Variants in ZFR observed in about 807,000 individuals in gnomAD.
ZFR encodes the protein zinc finger RNA-binding protein.
ZFR carries 19 observed loss-of-function variants against 130.7 expected under a neutral mutation model. The ratio of observed to expected loss-of-function variants is 0.15; its 90% CI spans 0.10 to 0.21. The LOEUF (loss-of-function observed/expected upper bound fraction) is 0.21. Ranked by LOEUF, ZFR falls within the 10% of genes least tolerant of loss-of-function variation. ZFR has a pLI of 1.00. For missense variants in ZFR, 872 were observed against 1,321.5 expected, an observed-to-expected ratio of 0.66 and a Z score of 5.27; for synonymous variants, 466 against 456.9, an observed-to-expected ratio of 1.02 and a Z score of -0.25.
chr5:32,380,240 C>A, intron 15 of ZFR, 68 bp from the exon 16 acceptor site: 12 of 1,179,538 alleles, frequency 1.0e-5, no homozygotes, highest in East Asian at 2.4e-5. Context: ...AAGACACTTC[C>A]TTAAGGTAGC....
intron 17 of ZFR, among the ~76,000 whole-genome samples, chr5:32,369,806 T>C (rs1382054543): frequency 2.0e-5 from 3 of 152,126 alleles, no homozygotes; most frequent in Non-Finnish European, 4.4e-5. Flanking sequence ...AGTGAAACTC[T>C]GTCTTAAAAA....
intron 19 of ZFR, among the ~76,000 whole-genome samples, chr5:32,362,579 C>T (rs558302292): frequency 6.6e-6 from 1 of 152,260 alleles, no homozygotes; most frequent in South Asian, 2.1e-4. Flanking sequence ...ATGTAACTAC[C>T]ATCACAATCA....
chr5:32,385,707 A>G, intron 14 of ZFR, 58 bp from the exon 15 acceptor site: 1 of 1,587,338 alleles, frequency 6.3e-7, no homozygotes, highest in South Asian at 1.1e-5. Flanking sequence ...AAACAAAAGC[A>G]CTTTCATTAT....
intron 17 of ZFR, among the ~76,000 whole-genome samples, chr5:32,367,310 C>T (rs1329046268): frequency 6.6e-6 from 1 of 151,924 alleles, no homozygotes; most frequent in Non-Finnish European, 1.5e-5. Flanking sequence ...TGGCAGGTGC[C>T]TGTAATCTCA....
At position 32,397,396 on chromosome 5, in the gene ZFR, AC is replaced by A; in HGVS notation, c.1714-59del. 10 of 1,572,194 alleles carry A rather than the reference AC, an allele frequency of 6.4e-6. No individual in the cohort carries two copies. The East Asian group carries it at 2.3e-4, about 35-fold the overall frequency. ...TAGTTGAAGATTATATCATTCATAA[AC>A]CCCCACATATTATTTGATGAAGTTG... On this transcript the variant is annotated intron_variant, in intron 9 of 19. Coordinates refer to ENST00000265069, the MANE Select transcript of ZFR (RefSeq NM_016107.5).
chr5:32,391,953 CA>C (rs1373150935), intron 11 of ZFR, among the ~76,000 whole-genome samples: 2 of 152,088 alleles, frequency 1.3e-5, no homozygotes, highest in Non-Finnish European at 2.9e-5. Flanking sequence ...AGGCTGGTCT[CA>C]AACTCCTGGG....
chr5:32,444,441 G>A, intron 1 of ZFR, 113 bp from the exon 2 acceptor site: 5 of 1,330,816 alleles, frequency 3.8e-6, no homozygotes, highest in Admixed American at 2.9e-5. Flanking sequence ...AGCAGCCCTG[G>A]CGGGGCCCAG....
intron 5 of ZFR, among the ~76,000 whole-genome samples, chr5:32,409,961 A>G (rs1415397745): frequency 6.6e-6 from 1 of 152,130 alleles, no homozygotes; most frequent in Non-Finnish European, 1.5e-5. Flanking sequence ...TGACAGAATG[A>G]GACCCTGTTT....
At chr5:32,423,600 A>G (rs1754002853) in intron 2 of ZFR, among the ~76,000 whole-genome samples, 1 of 152,122 alleles carries the variant, frequency 6.6e-6, no homozygotes, top group South Asian at 2.1e-4. Context: ...ATAAGTCTAG[A>G]AGGCCCAATG....
At chr5:32,440,989 T>C (rs1754458893) in intron 2 of ZFR, among the ~76,000 whole-genome samples, 1 of 152,234 alleles carries the variant, frequency 6.6e-6, no homozygotes, top group East Asian at 1.9e-4. Flanking sequence ...TTGTATTTTA[T>C]TTTGAGACGG....
intron 17 of ZFR, among the ~76,000 whole-genome samples, chr5:32,376,281 ATT>A (rs1323704777): frequency 6.6e-6 from 1 of 152,232 alleles, no homozygotes; most frequent in Non-Finnish European, 1.5e-5. Flanking sequence ...CCTACCAAAA[ATT>A]TTGTTATGTA....
Position 32,420,031 on chromosome 5 carries a change from T to A in ZFR, c.210A>T (p.Pro70=). The A allele has an allele frequency of 6.2e-7, 1 of 1,613,650 alleles. No individual in the cohort carries two copies. The highest frequency in any genetic ancestry group is 8.5e-7 in the Non-Finnish European group (1 of 1,179,978). The change falls in exon 3 of 20, where the codon CCA becomes CCT. Residue 70 remains proline (P), a synonymous_variant. Coordinates refer to ENST00000265069, the MANE Select transcript of ZFR (RefSeq NM_016107.5). ...TVASYTVHQA[P]VAAHTVTAAY... is the part of the protein sequence containing the mutation. ...CAGCAGTAACTGTGTGAGCAGCTAC[T>A]GGAGCCTGATGGACAGTGTAGCTAG...
At chr5:32,437,041 G>A (rs763459509) in intron 2 of ZFR, among the ~76,000 whole-genome samples, 10 of 152,264 alleles carry the variant, frequency 6.6e-5, no homozygotes, top group Non-Finnish European at 1.0e-4. Flanking sequence ...TTCAGCTTAG[G>A]TAGTCTGACT....
intron 10 of ZFR, among the ~76,000 whole-genome samples, 165 bp from the exon 11 acceptor site, chr5:32,395,469 C>T (rs1753282046): frequency 6.6e-6 from 1 of 152,052 alleles, no homozygotes; most frequent in Non-Finnish European, 1.5e-5. Flanking sequence ...AGAAAAGATT[C>T]AAAATACATT....
chr5:32,360,396 T>C (rs1021454757), intron 19 of ZFR, among the ~76,000 whole-genome samples: 1 of 152,156 alleles, frequency 6.6e-6, no homozygotes, highest in Non-Finnish European at 1.5e-5. Flanking sequence ...AACCCCTCTA[T>C]CCTTAGGCCC....
chr5:32,355,669 A>C lies in ZFR; in HGVS notation c.*91T>G. ...TTCCATGAAATCCTTTAAATTCTTG[A>C]TAAATTTTTCAATGTAGACATTATT... On this transcript the variant is annotated 3_prime_UTR_variant, in exon 20 of 20. Transcript: ENST00000265069. The C allele has an allele frequency of 2.5e-6, 3 of 1,213,512 alleles. No homozygotes were observed. Among genetic ancestry groups the C allele is most frequent in the Non-Finnish European group, 3.4e-6 (3 of 889,592 alleles). 75.2% of individuals were successfully genotyped at this position (1,213,512 alleles called of 1,614,324 possible).
At chr5:32,403,520 G>A (rs1753514596) in intron 7 of ZFR, 123 bp from the exon 8 acceptor site, 1 of 1,245,188 alleles carries the variant, frequency 8.0e-7, no homozygotes, top group East Asian at 2.4e-5. Flanking sequence ...TCTGCTATAT[G>A]TTTTTGTATA....
At chr5:32,408,136 G>A (rs1180606559) in intron 5 of ZFR, among the ~76,000 whole-genome samples, 1 of 151,862 alleles carries the variant, frequency 6.6e-6, no homozygotes, top group African/African-American at 2.4e-5. Context: ...ATTATTTTAT[G>A]AATATTAAGC....
At chr5:32,431,365 T>A (rs1427370883) in intron 2 of ZFR, among the ~76,000 whole-genome samples, 2 of 152,122 alleles carry the variant, frequency 1.3e-5, no homozygotes, top group Non-Finnish European at 2.9e-5. Context: ...GTTAGGGGAA[T>A]AAAACTAATG....
Sources: gnomAD v4.1 joint callset for allele counts (sites outside exome capture counted in the v4.1 genomes callset) on GRCh38, gnomAD v4.1.1 for gene constraint, MANE v1.5 for transcripts, NCBI Gene and HGNC (gene_info 2026-07-23, HGNC 2026-07-21) for gene names.